Variants in MATR3 observed in about 807,000 individuals in gnomAD.
MATR3 encodes the protein matrin-3.
In MATR3, 4 loss-of-function variants were observed where a neutral mutation model predicts 85.5. That is an observed-to-expected ratio of 0.05 (90% CI 0.02 to 0.11). MATR3 has a LOEUF of 0.11. Among genes scored for constraint, MATR3 ranks in the 10% least tolerant of loss-of-function variants. The pLI, the probability that MATR3 is intolerant of heterozygous loss-of-function variation, is 1.00. For missense variants in MATR3, 685 were observed against 1,016.1 expected, an observed-to-expected ratio of 0.67 and a Z score of 4.43; for synonymous variants, 336 against 343.1, an observed-to-expected ratio of 0.98 and a Z score of 0.23.
chr5:139,298,279 TACAA>T (rs1754263802), intron 1 of MATR3, among the ~76,000 whole-genome samples: 1 of 152,070 alleles, frequency 6.6e-6, no homozygotes, highest in Non-Finnish European at 1.5e-5. Context: ...GTCAAAGAAA[TACAA>T]ACATTTGGCT....
chr5:139,323,107 T>C (rs1353959828), intron 12 of MATR3, 140 bp downstream of exon 12: 9 of 880,634 alleles, frequency 1.0e-5, no homozygotes, highest in Non-Finnish European at 1.5e-5. Flanking sequence ...ATATAAACAT[T>C]TAAATCTAAA....
At position 139,330,035 on chromosome 5, in the gene MATR3, A is replaced by T. The variant is rs145836548; in HGVS notation, c.*640A>T. 14 of 454,292 alleles carry T rather than the reference A, an allele frequency of 3.1e-5. No homozygotes were observed. Among genetic ancestry groups the T allele is most frequent in the Non-Finnish European group, 5.3e-5 (12 of 226,738 alleles). 28.1% of individuals were successfully genotyped at this position (454,292 alleles called of 1,614,324 possible). On this transcript the variant is annotated 3_prime_UTR_variant, in exon 15 of 15. Transcript: ENST00000394805. ...GCTAGATTTCGTATTCTAGTAGTCA[A>T]TGTATTTTCAGTGAAATGCAAAAAT...
chr5:139,296,878 G>C (rs1388028261), intron 1 of MATR3, among the ~76,000 whole-genome samples: 1 of 152,190 alleles, frequency 6.6e-6, no homozygotes, highest in Non-Finnish European at 1.5e-5. Flanking sequence ...TCTGGCAACA[G>C]GTTCTAAAAG....
intron 2 of MATR3, chr5:139,278,615 A>G: frequency 5.6e-6 from 2 of 358,396 alleles, no homozygotes; most frequent in Middle Eastern, 1.0e-3. Context: ...AATGTTGCAT[A>G]AAACAACTGA....
intron 2 of MATR3, among the ~76,000 whole-genome samples, chr5:139,277,701 C>G (rs553607033): frequency 6.6e-6 from 1 of 150,504 alleles, no homozygotes; most frequent in African/African-American, 2.4e-5. Flanking sequence ...TTAGGAGCTG[C>G]TATTTTAGAC....
intron 9 of MATR3, among the ~76,000 whole-genome samples, chr5:139,320,743 CTTTTTTTTTT>C (rs1175972721): frequency 2.0e-5 from 2 of 102,420 alleles, no homozygotes; most frequent in East Asian, 3.3e-4. Flanking sequence ...AAGCTTATTA[CTTTTTTTTTT>C]TTTTTTTTTT....
At chr5:139,274,852 G>A (rs1753209931) in intron 1 of MATR3, among the ~76,000 whole-genome samples, 1 of 151,838 alleles carries the variant, frequency 6.6e-6, no homozygotes, top group African/African-American at 2.4e-5. Context: ...TTGAACCCGG[G>A]AGGCAGAGAT....
At chr5:139,305,422 T>G (rs1381075878) in intron 1 of MATR3, among the ~76,000 whole-genome samples, 1 of 152,216 alleles carries the variant, frequency 6.6e-6, no homozygotes, top group Non-Finnish European at 1.5e-5. Context: ...TTCAAAAGAC[T>G]GACTTTTCAG....
intron 3 of MATR3, among the ~76,000 whole-genome samples, chr5:139,284,186 T>C (rs1203411117): frequency 6.6e-6 from 1 of 152,072 alleles, no homozygotes; most frequent in Non-Finnish European, 1.5e-5. Context: ...AGGCTAAGAG[T>C]ACCATTTTTG....
At chr5:139,314,591 C>T (rs1264471627) in intron 2 of MATR3, 84 bp from the exon 3 acceptor site, 3 of 1,050,432 alleles carry the variant, frequency 2.9e-6, no homozygotes, top group South Asian at 1.3e-5. Flanking sequence ...ACTGCATAGA[C>T]ATTAATATCC....
chr5:139,288,356 AG>A (rs1753773305), intron 3 of MATR3, among the ~76,000 whole-genome samples: 1 of 152,210 alleles, frequency 6.6e-6, no homozygotes, highest in African/African-American at 2.4e-5. Context: ...TCGTTGAAAA[AG>A]TTTGACTTTC....
intron 14 of MATR3, among the ~76,000 whole-genome samples, chr5:139,327,921 G>T (rs2152029400): frequency 6.6e-6 from 1 of 151,828 alleles, no homozygotes; most frequent in South Asian, 2.1e-4. Context: ...GAGTGCAATG[G>T]CACAATCTCA....
intron 3 of MATR3, 161 bp from the exon 4 acceptor site, chr5:139,315,536 T>A: frequency 1.8e-6 from 1 of 545,634 alleles, no homozygotes; most frequent in Non-Finnish European, 3.3e-6. Context: ...CTGAAATTTT[T>A]CTTTTGAAAT....
In MATR3 at chr5:139,330,934, G is replaced by T; in HGVS notation, c.*1539G>T. ...GTCTCCTGAGTAGCTGGGACTACAG[G>T]CTCATGCCACTATACCTGGCTAGTT... is the stretch of plus-strand genomic sequence containing the variant. On this transcript the variant is annotated 3_prime_UTR_variant, in exon 15 of 15. Transcript: ENST00000394805. The T allele has an allele frequency of 2.2e-6, 1 of 454,004 alleles. No individual in the cohort carries two copies. Among genetic ancestry groups the T allele is most frequent in the Non-Finnish European group, 4.4e-6 (1 of 226,794 alleles). The allele number at this position is 454,004 out of a possible 1,614,324, so 28.1% of individuals were successfully genotyped here.
upstream of MATR3, among the ~76,000 whole-genome samples, chr5:139,291,377 C>T (rs1217879809): frequency 2.0e-5 from 3 of 152,216 alleles, no homozygotes; most frequent in Non-Finnish European, 4.4e-5. Flanking sequence ...CCTTTGTCTC[C>T]TTTCCTGCTC....
At chr5:139,296,936 A>T (rs1360152926) in intron 1 of MATR3, among the ~76,000 whole-genome samples, 2 of 152,218 alleles carry the variant, frequency 1.3e-5, no homozygotes, top group East Asian at 3.9e-4. Context: ...TTAGGAGGCC[A>T]AGGCGGGCGG....
At position 139,287,613 on chromosome 5, in the gene MATR3, G is replaced by A. The variant is rs1285743212; in HGVS notation, c.-178+8484G>A. Reference sequence around the variant, plus strand: ...TAGCCTGGGCAACGAGCAAAACTCCGTCTCTAAAAAAAAAAAAGTTTCATC... The same window carrying A: ...TAGCCTGGGCAACGAGCAAAACTCCATCTCTAAAAAAAAAAAAGTTTCATC... On this transcript the variant is annotated intron_variant, in intron 3 of 16. Transcript: ENST00000509990. Among the ~76,000 whole-genome samples the A allele has an allele frequency of 1.2e-4, 18 of 151,352 alleles. No homozygotes were observed. The East Asian group carries it at 2.9e-3, about 24-fold the overall frequency.
At chr5:139,282,021 C>T (rs1207446812) in intron 3 of MATR3, among the ~76,000 whole-genome samples, 1 of 152,060 alleles carries the variant, frequency 6.6e-6, no homozygotes, top group Non-Finnish European at 1.5e-5. Context: ...AAATTTAAAC[C>T]AGAAAAGCAA....
intron 9 of MATR3, 45 bp downstream of exon 9, chr5:139,319,546 C>T (rs1351946947): frequency 1.3e-6 from 2 of 1,555,332 alleles, no homozygotes; most frequent in South Asian, 1.1e-5. Context: ...TTATTAAAAT[C>T]CTTAAGATTT....
Sources: gnomAD v4.1 joint callset for allele counts (sites outside exome capture counted in the v4.1 genomes callset) on GRCh38, gnomAD v4.1.1 for gene constraint, MANE v1.5 for transcripts, NCBI Gene and HGNC (gene_info 2026-07-23, HGNC 2026-07-21) for gene names.